EDARADD: variants seen among roughly 807,000 people sequenced by gnomAD.
EDARADD encodes ectodysplasin-A receptor-associated adapter protein.
In EDARADD, 20 loss-of-function variants were observed where a neutral mutation model predicts 25.6. The observed-to-expected ratio is 0.78, with a 90% CI of 0.55 to 1.14. EDARADD has a LOEUF of 1.14. EDARADD is among the 50% of genes most tolerant of loss of function. The probability of loss-of-function intolerance (pLI) is 0.00; values close to 1 mark genes in which losing one functional copy is unlikely to be tolerated. For missense variants in EDARADD, 225 were observed against 270.1 expected (o/e 0.83, Z 1.17); for synonymous variants, 86 against 94.4 (o/e 0.91, Z 0.52).
intron 4 of EDARADD, among the ~76,000 whole-genome samples, chr1:236,466,423 ACT>A (rs4006550): frequency 0.019 from 2,107 of 112,194 alleles, 51 homozygotes; most frequent in African/African-American, 0.058. Flanking sequence ...TTTCTCTCTC[ACT>A]CTCTCTCTCT....
intron 4 of EDARADD, among the ~76,000 whole-genome samples, chr1:236,463,465 G>A (rs1055659094): frequency 6.6e-6 from 1 of 152,116 alleles, no homozygotes; most frequent in Non-Finnish European, 1.5e-5. Context: ...GGCTAATTTT[G>A]TATTTTTAGT....
rs762203601 is a variant in EDARADD at position 236,482,295 on chromosome 1, A to T, written c.294A>T (p.Glu98Asp). ...PEISKDNSCKENCTCSSCLLR... is the reference protein window; with the variant it reads ...PEISKDNSCKDNCTCSSCLLR... Reference sequence around the variant, plus strand: ...TCAGCAAGGACAACTCCTGCAAAGAAAACTGTACTTGTTCCTCCTGCTTGC... The same window carrying T: ...TCAGCAAGGACAACTCCTGCAAAGATAACTGTACTTGTTCCTCCTGCTTGC... Residue 98 changes from glutamate to aspartate, a missense_variant, in exon 6 of 6, where the codon GAA becomes GAT. Coordinates refer to ENST00000334232, the MANE Select transcript of EDARADD (RefSeq NM_145861.4). 1.2e-6 allele frequency: 2 copies of T among 1,614,106 alleles called. No individual in the cohort carries two copies. The highest frequency in any genetic ancestry group is 1.7e-5 in the Admixed American group (1 of 59,988).
chr1:236,349,749 G>C (rs1472093528), intron 2 of EDARADD, among the ~76,000 whole-genome samples: 3 of 152,066 alleles, frequency 2.0e-5, no homozygotes, highest in Admixed American at 6.6e-5. Flanking sequence ...GACCTCAAAG[G>C]GTGTCTGGCT....
chr1:236,436,855 T>C (rs1658268428), intron 4 of EDARADD, among the ~76,000 whole-genome samples: 1 of 152,142 alleles, frequency 6.6e-6, no homozygotes, highest in Admixed American at 6.5e-5. Context: ...AAGAGTTTGC[T>C]CTGTTCATAC....
intron 3 of EDARADD, among the ~76,000 whole-genome samples, chr1:236,363,780 GAGGCC>G (rs1196371872): frequency 6.6e-6 from 1 of 152,036 alleles, no homozygotes; most frequent in South Asian, 2.1e-4. Context: ...GTTGTTTCCT[GAGGCC>G]TCCCTAGAAG....
Position 236,482,617 on chromosome 1 carries a change from C to G in EDARADD, c.616C>G (p.Arg206Gly). ...GTGGGTGGACGAGGAGTGGCCCAAG[C>G]GGGAGCGTGGAGACCCCTCCAGGCA... ...RRWVDEEWPK[R>G]ERGDPSRHF The change falls in exon 6 of 6, where the codon CGG (arginine) becomes GGG (glycine). Residue 206 changes from arginine to glycine, a missense_variant. Coordinates refer to ENST00000334232, the MANE Select transcript of EDARADD (RefSeq NM_145861.4). 6.2e-7 allele frequency: 1 copy of G among 1,612,238 alleles called. No homozygotes were observed. Among genetic ancestry groups the G allele is most frequent in the Non-Finnish European group, 8.5e-7 (1 of 1,180,020 alleles).
chr1:236,450,116 G>A (rs1658670748), intron 4 of EDARADD, among the ~76,000 whole-genome samples: 1 of 145,860 alleles, frequency 6.9e-6, no homozygotes, highest in African/African-American at 2.5e-5. Flanking sequence ...AAAAAAAAAA[G>A]TAATAGGCTT....
chr1:236,363,669 C>T lies in EDARADD; in HGVS notation c.-6+12830C>T, dbSNP rs543062147. Among the ~76,000 whole-genome samples the T allele has an allele frequency of 5.2e-4, 79 of 152,202 alleles. 1 individual carries two copies. Among genetic ancestry groups the T allele is most frequent in the South Asian group, 1.2e-3 (6 of 4,814 alleles). On this transcript the variant is annotated intron_variant, in intron 3 of 7. Transcript: ENST00000439430. ...TCAGCTTCCCAAAGTACTGGGATTA[C>T]AGGCATGAGCCACCACAACCAGCCC...
chr1:236,405,874 C>G (rs200289259), intron 1 of EDARADD, among the ~76,000 whole-genome samples: 2 of 30,874 alleles, frequency 6.5e-5, no homozygotes, highest in African/African-American at 2.3e-4. Context: ...TCCTTCCTTC[C>G]TTCTTTCTTT....
In EDARADD at chr1:236,482,335, A is replaced by G. The variant is rs1381810288; in HGVS notation, c.334A>G (p.Ile112Val). ...CSSCLLRAPTISDLLNDQDLL... is the reference protein window; with the variant it reads ...CSSCLLRAPTVSDLLNDQDLL... ...CTCCTGCTTGCTCCGGGCCCCCACC[A>G]TAAGTGACTTGCTCAATGATCAGGA... Residue 112 changes from isoleucine (I) to valine (V), a missense_variant, in exon 6 of 6, where the codon ATA (isoleucine) becomes GTA (valine). Transcript: ENST00000334232. 2.0e-5 allele frequency: 32 copies of G among 1,614,074 alleles called. No homozygotes were observed. Among genetic ancestry groups the G allele is most frequent in the Non-Finnish European group, 2.7e-5 (32 of 1,180,050 alleles).
At position 236,398,375 on chromosome 1, in the gene EDARADD, G is replaced by A. The variant is rs1011839787; in HGVS notation, c.61+3870G>A. On this transcript the variant is annotated intron_variant, in intron 1 of 5. Transcript: ENST00000334232. The surrounding 1 kb of genome is among the most constrained non-coding windows in gnomAD (Gnocchi z 4.1). ...GCCTCCCAGAGTGCTGGGATTACTGGTGTGAACCACTGTGCCCAGCCAGTC... is the reference window on the plus strand; with the variant it reads ...GCCTCCCAGAGTGCTGGGATTACTGATGTGAACCACTGTGCCCAGCCAGTC... 6.6e-6 allele frequency among the ~76,000 whole-genome samples: 1 copy of A among 152,166 alleles called. No homozygotes were observed. The highest frequency in any genetic ancestry group is 2.4e-5 in the African/African-American group (1 of 41,434).
intron 4 of EDARADD, among the ~76,000 whole-genome samples, chr1:236,467,605 CT>C (rs1197373478): frequency 6.6e-6 from 1 of 152,042 alleles, no homozygotes; most frequent in Non-Finnish European, 1.5e-5. Context: ...GTTTTAGCTG[CT>C]TTGCGATATA....
intron 3 of EDARADD, among the ~76,000 whole-genome samples, chr1:236,366,741 C>CTCTTTTT (rs146073425): frequency 6.9e-6 from 1 of 144,212 alleles, no homozygotes; most frequent in Admixed American, 6.9e-5. Flanking sequence ...TCATCTCTCT[C>CTCTTTTT]TTTTTTTTGT....
intron 1 of EDARADD, among the ~76,000 whole-genome samples, chr1:236,403,339 G>T (rs564934912): frequency 3.9e-5 from 6 of 152,244 alleles, no homozygotes; most frequent in African/African-American, 1.2e-4. Context: ...CCAGGCTGGA[G>T]TGCAGTGGCG....
chr1:236,471,369 GGT>G (rs149214024), intron 5 of EDARADD, among the ~76,000 whole-genome samples: 1 of 151,116 alleles, frequency 6.6e-6, no homozygotes, highest in Non-Finnish European at 1.5e-5. Context: ...TGAATAATGT[GGT>G]GTGTGTGTGT....
chr1:236,428,125 T>C (rs2996458), intron 4 of EDARADD, among the ~76,000 whole-genome samples: 60,492 of 151,742 alleles, frequency 0.4, 16,168 homozygotes, highest in African/African-American at 0.75. Context: ...TGCCGCCTTC[T>C]GCAGTGTTTG....
chr1:236,468,285 T>C lies in EDARADD; in HGVS notation c.265+9T>C. Reference sequence around the variant, plus strand: ...TGGAGATCCTCTTCCAGGTAAATGATTGATTCTAAAGCTATCTGGGCTAAT... The same window carrying C: ...TGGAGATCCTCTTCCAGGTAAATGACTGATTCTAAAGCTATCTGGGCTAAT... On this transcript the variant is annotated intron_variant, in intron 5 of 5. Coordinates refer to ENST00000334232, the MANE Select transcript of EDARADD (RefSeq NM_145861.4). The C allele has an allele frequency of 6.2e-7, 1 of 1,613,924 alleles. No homozygotes were observed. Among genetic ancestry groups the C allele is most frequent in the Non-Finnish European group, 8.5e-7 (1 of 1,179,806 alleles).
Position 236,484,386 on chromosome 1 carries a change from A to G in EDARADD, c.*1737A>G. 6.2e-7 allele frequency: 1 copy of G among 1,603,812 alleles called. No homozygotes were observed. Among genetic ancestry groups the G allele is most frequent in the East Asian group, 2.2e-5 (1 of 44,798 alleles). On this transcript the variant is annotated 3_prime_UTR_variant, in exon 6 of 6. Coordinates refer to ENST00000334232, the MANE Select transcript of EDARADD (RefSeq NM_145861.4). The surrounding 1 kb of genome is among the most constrained non-coding windows in gnomAD (Gnocchi z 4.1). ...CTGATCTGAGCGCTTGGCCAAGTACAACCAGCTCCTCAGAATTGAAGAGGA... is the reference window on the plus strand; with the variant it reads ...CTGATCTGAGCGCTTGGCCAAGTACGACCAGCTCCTCAGAATTGAAGAGGA...
chr1:236,435,207 ACTCTTGGAGGTCAG>A (rs1430677315), intron 4 of EDARADD, among the ~76,000 whole-genome samples: 2 of 152,168 alleles, frequency 1.3e-5, no homozygotes, highest in African/African-American at 4.8e-5. Flanking sequence ...AGGAACACTT[ACTCTTGGAGGTCAG>A]AGGAAGAAAG....
Sources: allele counts gnomAD v4.1 joint callset (sites outside exome capture counted in the v4.1 genomes callset), GRCh38; gene constraint gnomAD v4.1.1; non-coding constraint Gnocchi (gnomAD v3.1); transcripts MANE v1.5; gene names NCBI Gene and HGNC (gene_info 2026-07-23, HGNC 2026-07-21).